The following TNIK variants were observed in gnomAD, a reference collection of about 807,000 sequenced individuals.
The protein encoded by TNIK is TRAF2 and NCK-interacting protein kinase.
TNIK carries 49 observed loss-of-function variants against 191.3 expected under a neutral mutation model. That is an observed-to-expected ratio of 0.26 (90% CI 0.20 to 0.32). The LOEUF is 0.32. TNIK is among the 10% of genes least tolerant of loss of function. The pLI is 1.00. For missense variants in TNIK, 1,155 were observed against 1,702.3 expected (o/e 0.68, Z 5.66); for synonymous variants, 594 against 600.9 (o/e 0.99, Z 0.17).
At chr3:171,076,113 C>CTT (rs371623919) in intron 28 of TNIK, among the ~76,000 whole-genome samples, 27 of 144,456 alleles carry the variant, frequency 1.9e-4, no homozygotes, top group African/African-American at 6.8e-4. Context: ...AGGTCAGGGG[C>CTT]TTTTTTTTTT....
At chr3:171,130,109 A>G (rs1729033115) in intron 15 of TNIK, among the ~76,000 whole-genome samples, 2 of 152,184 alleles carry the variant, frequency 1.3e-5, no homozygotes, top group East Asian at 1.9e-4. Flanking sequence ...CATATTTTTT[A>G]TGTAGCAGCT....
At chr3:171,331,609 A>C (rs1367500546) in intron 2 of TNIK, among the ~76,000 whole-genome samples, 1 of 152,214 alleles carries the variant, frequency 6.6e-6, no homozygotes, top group East Asian at 1.9e-4. Context: ...CTCAAATACA[A>C]GTCTATTTTG....
intron 2 of TNIK, among the ~76,000 whole-genome samples, chr3:171,335,586 G>T (rs1397066415): frequency 1.3e-5 from 2 of 152,184 alleles, no homozygotes; most frequent in African/African-American, 4.8e-5. Context: ...TCATGCTGTT[G>T]CATGTATCAG....
chr3:171,290,034 C>A (rs747497622), intron 2 of TNIK, among the ~76,000 whole-genome samples: 30 of 151,538 alleles, frequency 2.0e-4, no homozygotes, highest in Non-Finnish European at 7.4e-5. Flanking sequence ...GTGGAAAAAA[C>A]GAATAATTTT....
chr3:171,172,551 CT>C (rs1187035105), intron 9 of TNIK, among the ~76,000 whole-genome samples: 2 of 152,172 alleles, frequency 1.3e-5, no homozygotes, highest in Admixed American at 6.5e-5. Context: ...AATATTTTCA[CT>C]TAAAAACTGG....
intron 12 of TNIK, among the ~76,000 whole-genome samples, chr3:171,152,778 T>TA: frequency 8.7e-5 from 1 of 11,506 alleles, no homozygotes; most frequent in East Asian, 7.7e-3. Context: ...TGTTTTTTGT[T>TA]TTTTTTTTTT....
At chr3:171,175,470 A>G in intron 8 of TNIK, 140 bp from the exon 9 acceptor site, 1 of 645,268 alleles carries the variant, frequency 1.5e-6, no homozygotes, top group Admixed American at 3.2e-5. Context: ...AGAATATCCA[A>G]ATGCTTCTGA....
chr3:171,179,881 C>G (rs1367203278), intron 7 of TNIK, among the ~76,000 whole-genome samples: 1 of 152,202 alleles, frequency 6.6e-6, no homozygotes, highest in Admixed American at 6.5e-5. Flanking sequence ...GGTGGGTTGG[C>G]TCTTAAGGTC....
intron 1 of TNIK, among the ~76,000 whole-genome samples, chr3:171,429,707 C>G (rs1361021136): frequency 6.6e-6 from 1 of 152,146 alleles, no homozygotes; most frequent in Non-Finnish European, 1.5e-5. Context: ...ACATTCTTAC[C>G]TCCATATCAC....
At chr3:171,292,730 C>G (rs951354478) in intron 2 of TNIK, among the ~76,000 whole-genome samples, 1 of 142,930 alleles carries the variant, frequency 7.0e-6, no homozygotes, top group African/African-American at 2.6e-5. Context: ...GAGCCAAGAT[C>G]ATGCCACTGC....
At chr3:171,376,691 A>T (rs942695373) in intron 1 of TNIK, among the ~76,000 whole-genome samples, 2 of 150,246 alleles carry the variant, frequency 1.3e-5, no homozygotes, top group Non-Finnish European at 2.9e-5. Context: ...AGTCATCTCA[A>T]CTGGAATAGA....
intron 1 of TNIK, among the ~76,000 whole-genome samples, chr3:171,446,302 A>G (rs1727487576): frequency 6.6e-6 from 1 of 152,248 alleles, no homozygotes; most frequent in Non-Finnish European, 1.5e-5. Context: ...GTTTAAATAC[A>G]GTTTGCAATT....
Position 171,291,958 on chromosome 3 carries a change from T to C in TNIK, c.124-63737A>G, listed in dbSNP as rs543128346. ...ATTCATCAAGGATCCTTTCTACTCA[T>C]TTATCTTCAGGTTTACTGAATCTTT... On this transcript the variant is annotated intron_variant, in intron 2 of 32. Transcript: ENST00000436636. Among the ~76,000 whole-genome samples the C allele has an allele frequency of 2.0e-5, 3 of 152,340 alleles. No individual in the cohort carries two copies. In the East Asian group the frequency reaches 5.8e-4, roughly 29 times the overall value.
At chr3:171,166,797 A>G (rs1388830700) in intron 10 of TNIK, among the ~76,000 whole-genome samples, 1 of 152,224 alleles carries the variant, frequency 6.6e-6, no homozygotes, top group African/African-American at 2.4e-5. Flanking sequence ...ATGAATATTA[A>G]TTTGAATTAA....
At chr3:171,071,141 G>T in intron 29 of TNIK, 82 bp downstream of exon 29, 4 of 1,006,048 alleles carry the variant, frequency 4.0e-6, no homozygotes, top group Non-Finnish European at 5.7e-6. Context: ...AATTGGTATT[G>T]GTCTATATGG....
At chr3:171,104,573 T>C (rs2108471858) in intron 21 of TNIK, among the ~76,000 whole-genome samples, 1 of 151,510 alleles carries the variant, frequency 6.6e-6, no homozygotes, top group Non-Finnish European at 1.5e-5. Flanking sequence ...AGATATAATT[T>C]TTCATTCAAC....
In TNIK at chr3:171,110,696, G is replaced by A; in HGVS notation, c.2284+18C>T. 3 of 1,570,458 alleles carry A rather than the reference G, an allele frequency of 1.9e-6. No individual in the cohort carries two copies. Among genetic ancestry groups the A allele is most frequent in the Non-Finnish European group, 2.6e-6 (3 of 1,157,146 alleles). On this transcript the variant is annotated intron_variant, in intron 19 of 32. Transcript: ENST00000436636. The stretch of plus-strand genomic sequence containing the variant: ...CTCCCAGGCAGTATTGCCAGGTAAA[G>A]GTAAGAGAAAGTTTTACCTCGAACT...
chr3:171,256,347 C>T (rs182114305), intron 2 of TNIK, among the ~76,000 whole-genome samples: 72 of 152,224 alleles, frequency 4.7e-4, no homozygotes, highest in African/African-American at 1.6e-3. Flanking sequence ...GAAAGAGAAT[C>T]GATAAAGAGG....
chr3:171,065,771 A>G (rs1718364255), intron 32 of TNIK, among the ~76,000 whole-genome samples: 1 of 152,196 alleles, frequency 6.6e-6, no homozygotes, highest in Admixed American at 6.5e-5. Flanking sequence ...TAAACGTCAA[A>G]TGTTTTGGAT....
Sources: gnomAD v4.1 joint callset for allele counts (sites outside exome capture counted in the v4.1 genomes callset) on GRCh38, gnomAD v4.1.1 for gene constraint, MANE v1.5 for transcripts, NCBI Gene and HGNC (gene_info 2026-07-23, HGNC 2026-07-21) for gene names.